The following TXNRD1 variants were observed in gnomAD, a reference collection of about 807,000 sequenced individuals.
The protein encoded by TXNRD1 is thioredoxin reductase 1, cytoplasmic.
TXNRD1 carries 57 observed loss-of-function variants against 80.3 expected under a neutral mutation model. That is an observed-to-expected ratio of 0.71 (90% CI 0.57 to 0.89). The LOEUF is 0.89. Among genes scored for constraint, TXNRD1 ranks in the 40% least tolerant of loss-of-function variants. The pLI is 0.00. For synonymous variants in TXNRD1, 291 were observed against 285.2 expected (o/e 1.02, Z -0.20); for missense variants, 730 against 803.0 (o/e 0.91, Z 1.10).
chr12:104,302,825 G>C (rs188839594), intron 4 of TXNRD1, among the ~76,000 whole-genome samples: 234 of 152,280 alleles, frequency 1.5e-3, no homozygotes, highest in Non-Finnish European at 3.0e-3. Context: ...ATTTGCTGCT[G>C]GTGAGACAGA....
At chr12:104,312,657 C>A (rs898741385) in intron 5 of TXNRD1, among the ~76,000 whole-genome samples, 11 of 152,208 alleles carry the variant, frequency 7.2e-5, no homozygotes, top group Non-Finnish European at 1.5e-4. Flanking sequence ...AAACAAACTT[C>A]TAACTCTTGT....
chr12:104,275,188 G>T lies in TXNRD1; in HGVS notation c.305-13743G>T, dbSNP rs139548097. 4.8e-3 allele frequency among the ~76,000 whole-genome samples: 722 copies of T among 151,174 alleles called. 2 individuals carry two copies. Among genetic ancestry groups the T allele is most frequent in the African/African-American group, 0.017 (694 of 41,224 alleles). On this transcript the variant is annotated intron_variant, in intron 3 of 16. Transcript: ENST00000525566. ...AGCTACTCGGGTGGCTGAGGCAGGAGAACCACTTGAACCCAGGAGGCAGAG... is the reference window on the plus strand; with the variant it reads ...AGCTACTCGGGTGGCTGAGGCAGGATAACCACTTGAACCCAGGAGGCAGAG...
chr12:104,261,181 G>A (rs2033361535), intron 3 of TXNRD1, among the ~76,000 whole-genome samples: 1 of 147,428 alleles, frequency 6.8e-6, no homozygotes, highest in South Asian at 2.1e-4. Flanking sequence ...TTTTTTAATT[G>A]AGATGGAGTT....
At chr12:104,344,059 C>T (rs562165424) in intron 16 of TXNRD1, among the ~76,000 whole-genome samples, 3 of 151,826 alleles carry the variant, frequency 2.0e-5, no homozygotes, top group South Asian at 4.1e-4. Flanking sequence ...GCCGAGATCA[C>T]GACACTGCAC....
Position 104,325,410 on chromosome 12 carries a change from T to C in TXNRD1, c.1289T>C (p.Ile430Thr), listed in dbSNP as rs770617970. The change falls in exon 11 of 17, where the codon ATT (isoleucine) becomes ACT (threonine). Residue 430 changes from isoleucine (I) to threonine (T), a missense_variant. Physicochemically the swap from Ile to Thr is moderately conservative, Grantham distance 89. Transcript: ENST00000525566. ...CAGTCCACCAATAGTGAGGAAATCATTGAAGGAGAATATAATACGGTAAGG... is the reference window on the plus strand; with the variant it reads ...CAGTCCACCAATAGTGAGGAAATCACTGAAGGAGAATATAATACGGTAAGG... ...VAQSTNSEEI[I>T]EGEYNTVMLA... The C allele has an allele frequency of 5.0e-6, 8 of 1,612,320 alleles. No homozygotes were observed. The highest frequency in any genetic ancestry group is 2.7e-5 in the African/African-American group (2 of 74,886).
At chr12:104,246,158 T>C (rs1415799334) in intron 1 of TXNRD1, among the ~76,000 whole-genome samples, 1 of 141,286 alleles carries the variant, frequency 7.1e-6, no homozygotes, top group Non-Finnish European at 1.5e-5. Context: ...CTGGGCACAG[T>C]GGCTCACACC....
chr12:104,348,351 A>C lies in TXNRD1; in HGVS notation c.1882-2A>C, dbSNP rs1241099011. On this transcript the variant is annotated splice_acceptor_variant, in intron 16 of 16. Coordinates refer to ENST00000525566, the MANE Select transcript of TXNRD1 (RefSeq NM_001093771.3). LOFTEE classifies it high-confidence loss of function. ...GATGTTGTGCTTTCTCTTCCCCTGCAGGTATTCACAACATTGTCTGTGACC... is the reference window on the plus strand; with the variant it reads ...GATGTTGTGCTTTCTCTTCCCCTGCCGGTATTCACAACATTGTCTGTGACC... 6.2e-7 allele frequency: 1 copy of C among 1,613,948 alleles called. No individual in the cohort carries two copies. The highest frequency in any genetic ancestry group is 1.3e-5 in the African/African-American group (1 of 75,052).
At chr12:104,280,062 C>A (rs867940762) in intron 3 of TXNRD1, among the ~76,000 whole-genome samples, 735 of 84,480 alleles carry the variant, frequency 8.7e-3, no homozygotes, top group Middle Eastern at 0.022. Context: ...GACTCTGTCT[C>A]AAAAAAAAAA....
At chr12:104,303,470 TCTC>T (rs2034725891) in intron 4 of TXNRD1, among the ~76,000 whole-genome samples, 1 of 152,194 alleles carries the variant, frequency 6.6e-6, no homozygotes, top group African/African-American at 2.4e-5. Context: ...GGACCTTTAG[TCTC>T]CTCAATAGTT....
At chr12:104,233,602 AC>A (rs1375815421) in intron 1 of TXNRD1, among the ~76,000 whole-genome samples, 7 of 152,098 alleles carry the variant, frequency 4.6e-5, no homozygotes, top group African/African-American at 1.7e-4. Context: ...GCTCACTGCA[AC>A]CTCTGCCTCC....
Position 104,318,839 on chromosome 12 carries a change from G to A in TXNRD1, c.731-74G>A, listed in dbSNP as rs1035288774. ...GAGCTCTGCTCCCTGTATTTCACTT[G>A]AGTGGTTATTGAGAAATGATCTTTG... On this transcript the variant is annotated intron_variant, in intron 7 of 16. Transcript: ENST00000525566. The A allele has an allele frequency of 4.6e-6, 7 of 1,521,910 alleles. No homozygotes were observed. The African/African-American group carries it at 6.9e-5, about 15-fold the overall frequency. The allele number at this position is 1,521,910 out of a possible 1,614,324, so 94.3% of individuals were successfully genotyped here.
chr12:104,298,340 A>T (rs1386898853), intron 4 of TXNRD1, among the ~76,000 whole-genome samples: 1 of 152,198 alleles, frequency 6.6e-6, no homozygotes, highest in Non-Finnish European at 1.5e-5. Flanking sequence ...GTAGGTTTTT[A>T]AAATTTTGTT....
intron 4 of TXNRD1, among the ~76,000 whole-genome samples, chr12:104,298,466 C>T (rs2135769267): frequency 6.6e-6 from 1 of 152,278 alleles, no homozygotes; most frequent in African/African-American, 2.4e-5. Flanking sequence ...TGGCTCACAC[C>T]TGTAATCCCA....
chr12:104,238,630 T>C (rs1037346201), intron 1 of TXNRD1, among the ~76,000 whole-genome samples: 1 of 152,232 alleles, frequency 6.6e-6, no homozygotes, highest in Non-Finnish European at 1.5e-5. Context: ...TTTGTATCTG[T>C]TGAAATAACT....
intron 6 of TXNRD1, among the ~76,000 whole-genome samples, chr12:104,314,730 A>AT (rs1458090233): frequency 7.1e-6 from 1 of 139,980 alleles, no homozygotes; most frequent in Non-Finnish European, 1.5e-5. Flanking sequence ...ATACACCAAA[A>AT]TTTTTTTCTT....
intron 4 of TXNRD1, among the ~76,000 whole-genome samples, chr12:104,305,849 G>A (rs73396467): frequency 0.014 from 2,137 of 152,148 alleles, 61 homozygotes; most frequent in African/African-American, 0.049. Flanking sequence ...CACAATCTAC[G>A]CTTTTTCATC....
intron 3 of TXNRD1, chr12:104,285,874 C>G (rs765864507): frequency 6.6e-6 from 1 of 152,164 alleles, no homozygotes; most frequent in Non-Finnish European, 1.5e-5. Flanking sequence ...GATCCATTCT[C>G]TGTTCTAGGG....
intron 1 of TXNRD1, among the ~76,000 whole-genome samples, chr12:104,246,932 T>G (rs2033008814): frequency 6.6e-6 from 1 of 152,188 alleles, no homozygotes; most frequent in Non-Finnish European, 1.5e-5. Context: ...AGGGAGACTA[T>G]TTTATTATTA....
chr12:104,319,995 C>T (rs1380641179), intron 9 of TXNRD1, among the ~76,000 whole-genome samples: 2 of 152,198 alleles, frequency 1.3e-5, no homozygotes, highest in South Asian at 2.1e-4. Context: ...TTAACACTTG[C>T]AGAGTGGCTG....
Sources: allele counts gnomAD v4.1 joint callset (sites outside exome capture counted in the v4.1 genomes callset), GRCh38; gene constraint gnomAD v4.1.1; transcripts MANE v1.5; gene names NCBI Gene and HGNC (gene_info 2026-07-23, HGNC 2026-07-21).